Variants in SPPL2A observed in about 807,000 individuals in gnomAD.
The protein encoded by SPPL2A is signal peptide peptidase-like 2A.
In SPPL2A, 51 loss-of-function variants were observed where a neutral mutation model predicts 63.8. The ratio of observed to expected loss-of-function variants is 0.80; its 90% confidence interval spans 0.64 to 1.01. SPPL2A has a LOEUF of 1.01. SPPL2A is among the 50% of genes least tolerant of loss of function. The pLI, the probability that SPPL2A is intolerant of heterozygous loss-of-function variation, is 0.00. For missense variants in SPPL2A, 553 were observed against 622.7 expected (o/e 0.89, Z 1.19); for synonymous variants, 188 against 205.8 (o/e 0.91, Z 0.74).
At chr15:50,762,735 C>CTT (rs72181864) in intron 1 of SPPL2A, among the ~76,000 whole-genome samples, 200 of 137,062 alleles carry the variant, frequency 1.5e-3, no homozygotes, top group Admixed American at 2.8e-3. Flanking sequence ...TTTTTCTTTT[C>CTT]TTTTTTTTTT....
intron 1 of SPPL2A, among the ~76,000 whole-genome samples, chr15:50,757,779 A>C (rs1435464385): frequency 6.6e-6 from 1 of 152,116 alleles, no homozygotes; most frequent in East Asian, 1.9e-4. Context: ...AAAGAATTTT[A>C]ATGTTTCCAG....
intron 5 of SPPL2A, among the ~76,000 whole-genome samples, chr15:50,741,051 A>T (rs1349713193): frequency 6.6e-6 from 1 of 152,228 alleles, no homozygotes; most frequent in Non-Finnish European, 1.5e-5. Flanking sequence ...TAAGATAACG[A>T]AATATTGTAT....
At chr15:50,717,869 T>TC (rs2062609310) in intron 14 of SPPL2A, among the ~76,000 whole-genome samples, 1 of 151,992 alleles carries the variant, frequency 6.6e-6, no homozygotes, top group Non-Finnish European at 1.5e-5. Flanking sequence ...GCACTGGATA[T>TC]CCCATCTATA....
At chr15:50,730,883 G>A in intron 10 of SPPL2A, 82 bp downstream of exon 10, 2 of 662,256 alleles carry the variant, frequency 3.0e-6, no homozygotes, top group South Asian at 3.3e-5. Context: ...GTAAACATCT[G>A]CAAAATTAAT....
In SPPL2A at chr15:50,705,683, GGACT is replaced by G. The variant is rs2062502651; in HGVS notation, c.*2113_*2116del. 1 of 151,986 alleles carries G rather than the reference GGACT, an allele frequency of 6.6e-6. No homozygotes were observed. The highest frequency in any genetic ancestry group is 2.1e-4 in the South Asian group (1 of 4,816). 9.4% of individuals were successfully genotyped at this position (151,986 alleles called of 1,614,324 possible). A position where few individuals can be genotyped will look rare whatever the true frequency, so the allele number is the denominator to read the frequency against. ...ACCCATAACTGCATTAAGCAGAGAG[GGACT>G]GACTGTCAATGAAGCTTCTCTATTT... On this transcript the variant is annotated 3_prime_UTR_variant, in exon 15 of 15. Transcript: ENST00000261854.
chr15:50,746,901 C>T (rs548469012), intron 5 of SPPL2A: 1 of 152,778 alleles, frequency 6.5e-6, no homozygotes, highest in East Asian at 1.9e-4. Context: ...CTCCTGACCT[C>T]AGGTGATCTG....
chr15:50,736,616 T>C (rs770115315), intron 7 of SPPL2A, 28 bp downstream of exon 7: 1 of 1,280,592 alleles, frequency 7.8e-7, no homozygotes, highest in East Asian at 2.3e-5. Flanking sequence ...ACACCAACAT[T>C]ATAAGATTTC....
At chr15:50,723,229 A>T (rs1300593747) in intron 12 of SPPL2A, among the ~76,000 whole-genome samples, 1 of 152,236 alleles carries the variant, frequency 6.6e-6, no homozygotes, top group East Asian at 1.9e-4. Flanking sequence ...TAGTGTAGCC[A>T]TTATGGAAAC....
intron 14 of SPPL2A, among the ~76,000 whole-genome samples, chr15:50,715,988 TTAAAA>T (rs1462365029): frequency 2.0e-5 from 3 of 152,040 alleles, no homozygotes; most frequent in African/African-American, 7.2e-5. Flanking sequence ...TATAAGGAAT[TTAAAA>T]TAAAATATAA....
In SPPL2A at chr15:50,717,659, G is replaced by A. The variant is rs112119550; in HGVS notation, c.1488+2281C>T. On this transcript the variant is annotated intron_variant, in intron 14 of 14. Coordinates refer to ENST00000261854, the MANE Select transcript of SPPL2A (RefSeq NM_032802.4). Reference sequence around the variant, plus strand: ...CCAGCTTTCATTTCCTGTAACTCCCGTAACCCTCTACTCAGCATTATAGCC... The same window carrying A: ...CCAGCTTTCATTTCCTGTAACTCCCATAACCCTCTACTCAGCATTATAGCC... Among the ~76,000 whole-genome samples, 1,001 of 152,130 alleles carry A rather than the reference G, an allele frequency of 6.6e-3. 18 individuals carry two copies. Among genetic ancestry groups the A allele is most frequent in the African/African-American group, 0.023 (936 of 41,496 alleles).
At chr15:50,737,929 G>A (rs1293157228) in intron 6 of SPPL2A, among the ~76,000 whole-genome samples, 1 of 152,050 alleles carries the variant, frequency 6.6e-6, no homozygotes, top group Non-Finnish European at 1.5e-5. Context: ...AAAATTAGCT[G>A]GGGGTGGTGC....
intron 1 of SPPL2A, among the ~76,000 whole-genome samples, chr15:50,764,881 A>T (rs2063043985): frequency 6.6e-6 from 1 of 150,886 alleles, no homozygotes; most frequent in East Asian, 2.0e-4. Context: ...TTTAAAAGTT[A>T]TTTTAAATTA....
intron 1 of SPPL2A, among the ~76,000 whole-genome samples, chr15:50,756,607 T>TG (rs930082766): frequency 1.3e-5 from 2 of 151,664 alleles, no homozygotes; most frequent in Non-Finnish European, 2.9e-5. Flanking sequence ...TAAAAGGGGG[T>TG]GGGCATGGTG....
intron 14 of SPPL2A, among the ~76,000 whole-genome samples, chr15:50,708,292 G>A (rs1188077721): frequency 2.0e-5 from 3 of 152,160 alleles, no homozygotes; most frequent in Admixed American, 1.3e-4. Context: ...CTGACTCTGG[G>A]ACAGTGTGAT....
At chr15:50,746,013 T>G (rs1392761246) in intron 5 of SPPL2A, among the ~76,000 whole-genome samples, 1 of 151,966 alleles carries the variant, frequency 6.6e-6, no homozygotes, top group Admixed American at 6.6e-5. Flanking sequence ...ATCATACCAC[T>G]GCACTCCAGC....
At chr15:50,757,167 C>T (rs1050722832) in intron 1 of SPPL2A, among the ~76,000 whole-genome samples, 2 of 148,986 alleles carry the variant, frequency 1.3e-5, no homozygotes, top group African/African-American at 5.0e-5. Flanking sequence ...ACTGCAAGCT[C>T]CGCCTCTGGG....
chr15:50,734,443 C>T (rs1366171351), intron 8 of SPPL2A, among the ~76,000 whole-genome samples: 2 of 151,740 alleles, frequency 1.3e-5, no homozygotes, highest in African/African-American at 2.4e-5. Context: ...TCTCACTCAT[C>T]GTGGGAGCTA....
intron 1 of SPPL2A, among the ~76,000 whole-genome samples, chr15:50,763,070 G>C (rs1246319159): frequency 6.6e-6 from 1 of 152,068 alleles, no homozygotes; most frequent in Non-Finnish European, 1.5e-5. Context: ...AGAGCCCAGA[G>C]AGGAGAAATG....
At chr15:50,728,280 C>G (rs2062701631) in intron 10 of SPPL2A, among the ~76,000 whole-genome samples, 1 of 152,170 alleles carries the variant, frequency 6.6e-6, no homozygotes, top group African/African-American at 2.4e-5. Flanking sequence ...GGGTATCCTA[C>G]AAAAACACAC....
Sources: allele counts gnomAD v4.1 joint callset (sites outside exome capture counted in the v4.1 genomes callset), GRCh38; gene constraint gnomAD v4.1.1; transcripts MANE v1.5; gene names NCBI Gene and HGNC (gene_info 2026-07-23, HGNC 2026-07-21).